S100Z: variants seen among roughly 807,000 people sequenced by gnomAD.
S100Z encodes the protein S100 calcium binding protein Z.
In S100Z, 11 loss-of-function variants were observed where a neutral mutation model predicts 8.5. The ratio of observed to expected loss-of-function variants is 1.30; its 90% CI spans 0.82 to 2.15. The LOEUF (loss-of-function observed/expected upper bound fraction) is 2.15, where lower values mean the gene tolerates loss of function less well. Among genes scored for constraint, S100Z ranks in the 30% most tolerant of loss-of-function variants. S100Z has a pLI of 0.00. For synonymous variants in S100Z, 34 were observed against 43.8 expected (o/e 0.78, Z 0.89); for missense variants, 126 against 117.9 (o/e 1.07, Z -0.32).
chr5:76,861,051 A>G (rs1000326286), intron 1 of S100Z, among the ~76,000 whole-genome samples: 1 of 152,190 alleles, frequency 6.6e-6, no homozygotes, highest in African/African-American at 2.4e-5. Flanking sequence ...AGCAACAAAC[A>G]TTTATTGTTT....
At chr5:76,857,879 A>C (rs537910585) in intron 1 of S100Z, among the ~76,000 whole-genome samples, 1 of 152,282 alleles carries the variant, frequency 6.6e-6, no homozygotes, top group Admixed American at 6.5e-5. Context: ...GTAATTAATA[A>C]GTTTATAATA....
chr5:76,945,363 C>A, the S100Z span, among the ~76,000 whole-genome samples: 1 of 152,184 alleles, frequency 6.6e-6, no homozygotes, highest in Non-Finnish European at 1.5e-5. Context: ...CCCAGCCCGA[C>A]ACCCATGAAG....
chr5:76,894,173 T>C (rs1483661775), intron 4 of S100Z, among the ~76,000 whole-genome samples: 1 of 152,222 alleles, frequency 6.6e-6, no homozygotes. Context: ...AGTAAAACTT[T>C]GGTCTCTACC....
At chr5:76,891,886 CTTAT>C (rs939594329) in intron 4 of S100Z, among the ~76,000 whole-genome samples, 2 of 152,046 alleles carry the variant, frequency 1.3e-5, no homozygotes, top group Non-Finnish European at 2.9e-5. Flanking sequence ...TCTTGGGCAA[CTTAT>C]TTAATTTCTT....
At chr5:76,931,379 T>C in the S100Z span, among the ~76,000 whole-genome samples, 26 of 152,234 alleles carry the variant, frequency 1.7e-4, no homozygotes, top group Non-Finnish European at 3.5e-4. Flanking sequence ...TCCCGAAGTG[T>C]TGGGATTACA....
chr5:76,940,928 C>T, the S100Z span, among the ~76,000 whole-genome samples: 1 of 151,998 alleles, frequency 6.6e-6, no homozygotes, highest in Non-Finnish European at 1.5e-5. Context: ...AAGTACTGGT[C>T]AGGATGCCCC....
chr5:76,926,366 G>A (rs1189640821), downstream of S100Z, among the ~76,000 whole-genome samples: 1 of 152,098 alleles, frequency 6.6e-6, no homozygotes, highest in Admixed American at 6.6e-5. Flanking sequence ...CACCAATAAG[G>A]AAATACAAAA....
At chr5:76,888,334 CT>C (rs796243926) in intron 4 of S100Z, among the ~76,000 whole-genome samples, 1,094 of 44,498 alleles carry the variant, frequency 0.025, 25 homozygotes, top group East Asian at 0.13. Flanking sequence ...GGGAAGTTTT[CT>C]TTTTTTTTTT....
At chr5:76,887,983 C>G (rs1019365943) in intron 4 of S100Z, among the ~76,000 whole-genome samples, 1 of 152,036 alleles carries the variant, frequency 6.6e-6, no homozygotes, top group Non-Finnish European at 1.5e-5. Flanking sequence ...ATTGGCCAGG[C>G]ACGGTGGCTC....
intron 2 of S100Z, among the ~76,000 whole-genome samples, chr5:76,875,103 G>C (rs1038244875): frequency 6.6e-6 from 1 of 152,096 alleles, no homozygotes. Flanking sequence ...GTGTTAGCCA[G>C]GATGGTCTCG....
intron 4 of S100Z, among the ~76,000 whole-genome samples, chr5:76,904,495 G>T (rs1011119005): frequency 1.3e-5 from 2 of 152,076 alleles, no homozygotes; most frequent in African/African-American, 4.8e-5. Flanking sequence ...TGGCCAGGCT[G>T]GTCTTGAACT....
At chr5:76,869,056 C>T (rs1014578693) in intron 1 of S100Z, among the ~76,000 whole-genome samples, 2 of 152,188 alleles carry the variant, frequency 1.3e-5, no homozygotes, top group African/African-American at 4.8e-5. Flanking sequence ...ACAAGGCCAA[C>T]TCTTGGGGAA....
chr5:76,857,193 G>A (rs939572822), intron 1 of S100Z, among the ~76,000 whole-genome samples: 2 of 152,104 alleles, frequency 1.3e-5, no homozygotes, highest in Non-Finnish European at 2.9e-5. Context: ...TCGGGAGGCT[G>A]AGGCAGGAGA....
At chr5:76,937,961 CG>C in the S100Z span, among the ~76,000 whole-genome samples, 2 of 151,646 alleles carry the variant, frequency 1.3e-5, no homozygotes, top group Non-Finnish European at 2.9e-5. Flanking sequence ...TAGTCATGCA[CG>C]GCGGTGCATG....
At chr5:76,875,966 C>A (rs977927413) in intron 3 of S100Z, among the ~76,000 whole-genome samples, 1 of 152,016 alleles carries the variant, frequency 6.6e-6, no homozygotes, top group Non-Finnish European at 1.5e-5. Flanking sequence ...CTTTGTCAGC[C>A]GAGCACAGAC....
intron 4 of S100Z, among the ~76,000 whole-genome samples, chr5:76,914,518 T>C (rs896472180): frequency 2.0e-5 from 3 of 152,084 alleles, no homozygotes; most frequent in East Asian, 1.9e-4. Context: ...TCCCCTTCCA[T>C]GCTGTGGAAG....
chr5:76,915,043 C>T (rs1204829196), intron 4 of S100Z, among the ~76,000 whole-genome samples: 5 of 152,194 alleles, frequency 3.3e-5, no homozygotes, highest in South Asian at 4.1e-4. Flanking sequence ...CGGTGGCTCA[C>T]GCCTGCAATC....
intron 4 of S100Z, among the ~76,000 whole-genome samples, chr5:76,901,639 G>C (rs530092793): frequency 1.5e-4 from 23 of 152,044 alleles, no homozygotes; most frequent in African/African-American, 5.3e-4. Flanking sequence ...CCTCTGGCCC[G>C]GGGAGGGTCC....
intron 1 of S100Z, among the ~76,000 whole-genome samples, chr5:76,853,414 C>T (rs1028950489): frequency 1.3e-5 from 2 of 152,164 alleles, no homozygotes; most frequent in East Asian, 3.8e-4. Context: ...AGCAAATTAC[C>T]TTATTAAGCT....
Sources: allele counts gnomAD v4.1 joint callset (sites outside exome capture counted in the v4.1 genomes callset), GRCh38; gene constraint gnomAD v4.1.1; transcripts MANE v1.5; gene names NCBI Gene and HGNC (gene_info 2026-07-23, HGNC 2026-07-21).